Variants in ERBB3 observed in about 807,000 individuals in gnomAD.
The protein encoded by ERBB3 is receptor tyrosine-protein kinase erbB-3.
A neutral mutation model predicts 156.7 loss-of-function variants in ERBB3; 96 were observed. That is an observed-to-expected ratio of 0.61 (90% CI 0.52 to 0.73). The LOEUF (loss-of-function observed/expected upper bound fraction) is 0.73. ERBB3 is among the 30% of genes least tolerant of loss of function. The pLI, the probability that ERBB3 is intolerant of heterozygous loss-of-function variation, is 0.00. For synonymous variants in ERBB3, 567 were observed against 632.0 expected, an observed-to-expected ratio of 0.90 and a Z score of 1.54; for missense variants, 1,406 against 1,709.4, an observed-to-expected ratio of 0.82 and a Z score of 3.13.
Position 56,095,770 on chromosome 12 carries a change from T to C in ERBB3, c.2019T>C (p.Asn673=). The C allele has an allele frequency of 6.2e-7, 1 of 1,614,244 alleles. No homozygotes were observed. The highest frequency in any genetic ancestry group is 8.5e-7 in the Non-Finnish European group (1 of 1,180,044). ...FLYWRGRRIQ[N]KRAMRRYLER... ...ACTGGCGTGGGCGCCGGATTCAGAA[T>C]AAAAGGGCTATGAGGCGATACTTGG... Residue 673 remains asparagine (N), a synonymous_variant, in exon 17 of 28, where the codon AAT becomes AAC. Coordinates refer to ENST00000267101, the MANE Select transcript of ERBB3 (RefSeq NM_001982.4).
chr12:56,089,309 C>G lies in ERBB3; in HGVS notation c.1109+441C>G, dbSNP rs146615875. On this transcript the variant is annotated intron_variant, in intron 9 of 27. Transcript: ENST00000267101. ...ATTTTTTTGTATTTTTTTGTAGAGA[C>G]AGGGTCTTGCTATGTTGCCCAGGCT... Among the ~76,000 whole-genome samples the G allele has an allele frequency of 9.9e-5, 15 of 152,058 alleles. No homozygotes were observed. In the South Asian group the frequency reaches 1.2e-3, roughly 13 times the overall value.
chr12:56,090,042 G>A (rs967822749), intron 9 of ERBB3, among the ~76,000 whole-genome samples: 6 of 150,008 alleles, frequency 4.0e-5, no homozygotes, highest in African/African-American at 1.5e-4. Flanking sequence ...CCAGGCTAGA[G>A]TGCAGTGGTG....
chr12:56,091,833 A>C (rs574799217), intron 9 of ERBB3, among the ~76,000 whole-genome samples: 5 of 152,280 alleles, frequency 3.3e-5, no homozygotes, highest in African/African-American at 9.6e-5. Flanking sequence ...TGCCTGAATC[A>C]ATTATTGTTA....
intron 22 of ERBB3, 46 bp from the exon 23 acceptor site, chr12:56,098,713 A>T (rs773658634): frequency 6.2e-7 from 1 of 1,611,084 alleles, no homozygotes; most frequent in Non-Finnish European, 8.5e-7. Context: ...CTTCATGCCC[A>T]TGTCTACTAT....
intron 1 of ERBB3, 62 bp from the exon 2 acceptor site, chr12:56,083,689 A>T: frequency 1.9e-6 from 3 of 1,595,682 alleles, no homozygotes; most frequent in Non-Finnish European, 2.6e-6. Context: ...ATCTTTGGGG[A>T]TGGCAGATGG....
chr12:56,094,357 T>G (rs1366513767), intron 14 of ERBB3, 45 bp from the exon 15 acceptor site: 2 of 1,612,200 alleles, frequency 1.2e-6, no homozygotes, highest in Non-Finnish European at 1.7e-6. Context: ...GGTATGGAAT[T>G]GACCTTGGGA....
Position 56,098,790 on chromosome 12 carries a change from G to C in ERBB3, c.2724G>C (p.Gly908=), listed in dbSNP as rs2136822391. Residue 908 remains glycine, a synonymous_variant, in exon 23 of 28, where the codon GGG becomes GGC. Transcript: ENST00000267101. ...CAGTTTGGGAGTTGATGACCTTCGG[G>C]GCAGAGCCCTATGCAGGGCTACGAT... is the stretch of plus-strand genomic sequence containing the variant. The part of the protein sequence containing the change: ...GVTVWELMTF[G]AEPYAGLRLA... The C allele has an allele frequency of 6.2e-7, 1 of 1,614,094 alleles. No individual in the cohort carries two copies. Among genetic ancestry groups the C allele is most frequent in the Non-Finnish European group, 8.5e-7 (1 of 1,179,990 alleles).
At chr12:56,091,266 TTA>T (rs199547778) in intron 9 of ERBB3, among the ~76,000 whole-genome samples, 7,715 of 43,236 alleles carry the variant, frequency 0.18, 861 homozygotes, top group East Asian at 0.38. Flanking sequence ...TTGGCTAATT[TTA>T]TATATATATA....
rs762010415 is a variant in ERBB3, at chr12:56,083,788, C to T, written c.120C>T (p.Gly40=). The T allele has an allele frequency of 1.1e-5, 17 of 1,613,920 alleles. No homozygotes were observed. In the Admixed American group the frequency reaches 2.0e-4, roughly 19 times the overall value. Residue 40 remains glycine (G), a synonymous_variant, in exon 2 of 28, where the codon GGC becomes GGT. Coordinates refer to ENST00000267101, the MANE Select transcript of ERBB3 (RefSeq NM_001982.4). ...CTCTGAATGGCCTGAGTGTGACCGG[C>T]GATGCTGAGAACCAATACCAGACAC... The part of the protein sequence containing the change: ...PGTLNGLSVT[G]DAENQYQTLY...
Position 56,085,080 on chromosome 12 carries a change from G to A in ERBB3, c.320G>A (p.Gly107Glu), listed in dbSNP as rs1418372214. 7 of 1,614,086 alleles carry A rather than the reference G, an allele frequency of 4.3e-6. No individual in the cohort carries two copies. The highest frequency in any genetic ancestry group is 5.9e-6 in the Non-Finnish European group (7 of 1,180,004). The change falls in exon 3 of 28, where the codon GGG becomes GAG. Residue 107 changes from glycine (G) to glutamate (E), a missense_variant. Gly to Glu is a moderately conservative substitution (Grantham distance 98). Transcript: ENST00000267101. Reference protein sequence around the residue: ...LPLPNLRVVRGTQVYDGKFAI... With the variant: ...LPLPNLRVVRETQVYDGKFAI... ...TTGCCCAACCTCCGCGTGGTGCGAGGGACCCAGGTCTACGATGGGAAGTTT... is the reference window on the plus strand; with the variant it reads ...TTGCCCAACCTCCGCGTGGTGCGAGAGACCCAGGTCTACGATGGGAAGTTT...
chr12:56,080,672 G>A (rs933597181), intron 1 of ERBB3, among the ~76,000 whole-genome samples: 5 of 152,206 alleles, frequency 3.3e-5, no homozygotes, highest in Admixed American at 6.5e-5. Flanking sequence ...CTTCTGAGGG[G>A]CCCTGCAGGG....
rs141636701 is a variant in ERBB3, at chr12:56,094,426, G to A, written c.1729G>A (p.Ala577Thr). The change falls in exon 15 of 28, where the codon GCC (alanine) becomes ACC (threonine). Residue 577 changes from alanine to threonine, a missense_variant. Coordinates refer to ENST00000267101, the MANE Select transcript of ERBB3 (RefSeq NM_001982.4). Reference sequence around the variant, plus strand: ...GGGCTCTGATACTTGTGCTCAATGTGCCCATTTTCGAGATGGGCCCCACTG... The same window carrying A: ...GGGCTCTGATACTTGTGCTCAATGTACCCATTTTCGAGATGGGCCCCACTG... Reference protein sequence around the residue: ...GSGSDTCAQCAHFRDGPHCVS... With the variant: ...GSGSDTCAQCTHFRDGPHCVS... The A allele has an allele frequency of 1.9e-6, 3 of 1,613,938 alleles. No individual in the cohort carries two copies. Among genetic ancestry groups the A allele is most frequent in the Admixed American group, 3.3e-5 (2 of 59,988 alleles).
At chr12:56,088,255 T>C in intron 7 of ERBB3, 93 bp downstream of exon 7, 1 of 1,382,632 alleles carries the variant, frequency 7.2e-7, no homozygotes, top group African/African-American at 1.4e-5. Flanking sequence ...CAGTTGGTGA[T>C]AAATAGGGAG....
chr12:56,087,803 A>T lies in ERBB3; in HGVS notation c.622A>T (p.Thr208Ser), dbSNP rs1868536733. 1 of 1,613,734 alleles carries T rather than the reference A, an allele frequency of 6.2e-7. No homozygotes were observed. Among genetic ancestry groups the T allele is most frequent in the South Asian group, 1.1e-5 (1 of 91,064 alleles). Residue 208 changes from threonine to serine, a missense_variant, in exon 6 of 28, where the codon ACC becomes TCC. Coordinates refer to ENST00000267101, the MANE Select transcript of ERBB3 (RefSeq NM_001982.4). ...TTTCTCTCCTTCCATAGTGACCAAG[A>T]CCATCTGTGCTCCTCAGTGTAATGG... ...GSEDCQTLTK[T>S]ICAPQCNGHC...
At chr12:56,096,664 CT>C (rs779979084) in intron 18 of ERBB3, 42 bp downstream of exon 18, 30 of 1,614,034 alleles carry the variant, frequency 1.9e-5, no homozygotes, top group Non-Finnish European at 2.5e-5. Context: ...GGGAAGGCAT[CT>C]AGGGCAAAGG....
In ERBB3 at chr12:56,088,751, G is replaced by A. The variant is rs2136798162; in HGVS notation, c.992G>A (p.Cys331Tyr). The A allele has an allele frequency of 6.2e-7, 1 of 1,614,162 alleles. No homozygotes were observed. The highest frequency in any genetic ancestry group is 8.5e-7 in the Non-Finnish European group (1 of 1,180,034). ...EPCGGLCPKA[C>Y]EGTGSGSRFQ... Reference sequence around the variant, plus strand: ...TGAACCTCTCTTACATTTGCAGCCTGTGAGGGAACAGGCTCTGGGAGCCGC... The same window carrying A: ...TGAACCTCTCTTACATTTGCAGCCTATGAGGGAACAGGCTCTGGGAGCCGC... Residue 331 changes from cysteine (C) to tyrosine (Y), a missense_variant, in exon 9 of 28, where the codon TGT becomes TAT. Cys to Tyr is a radical substitution (Grantham distance 194). Transcript: ENST00000267101.
intron 7 of ERBB3, 55 bp from the exon 8 acceptor site, chr12:56,088,488 G>A: frequency 7.5e-7 from 1 of 1,338,570 alleles, no homozygotes; most frequent in Non-Finnish European, 1.1e-6. Context: ...GGTTCCATTG[G>A]TAGCTGGTGA....
At chr12:56,098,614 C>T in intron 22 of ERBB3, 39 bp downstream of exon 22, 1 of 1,594,136 alleles carries the variant, frequency 6.3e-7, no homozygotes, top group Non-Finnish European at 8.6e-7. Context: ...ATCACTGGCC[C>T]CAGTTTCAAA....
At chr12:56,092,724 C>G (rs765290695) in intron 9 of ERBB3, 23 bp from the exon 10 acceptor site, 5 of 1,576,084 alleles carry the variant, frequency 3.2e-6, no homozygotes, top group Non-Finnish European at 4.4e-6. Flanking sequence ...ACCTTATTGA[C>G]TGGTTTCTAC....
Sources: allele counts gnomAD v4.1 joint callset (sites outside exome capture counted in the v4.1 genomes callset), GRCh38; gene constraint gnomAD v4.1.1; transcripts MANE v1.5; gene names NCBI Gene and HGNC (gene_info 2026-07-23, HGNC 2026-07-21).